WDR48: variants seen among roughly 807,000 people sequenced by gnomAD.
WDR48 encodes WD repeat domain 48, also known as WD repeat-containing protein 48.
In WDR48, 22 loss-of-function variants were observed where a neutral mutation model predicts 94.0. The observed-to-expected ratio is 0.23, with a 90% CI of 0.17 to 0.33. The LOEUF is 0.33. Ranked by LOEUF, WDR48 falls within the 10% of genes least tolerant of loss-of-function variation. The pLI, the probability that WDR48 is intolerant of heterozygous loss-of-function variation, is 1.00. For missense variants in WDR48, 541 were observed against 813.8 expected, an observed-to-expected ratio of 0.66 and a Z score of 4.08; for synonymous variants, 278 against 280.5, an observed-to-expected ratio of 0.99 and a Z score of 0.09.
At chr3:39,061,137 A>T (rs771825017) in intron 1 of WDR48, among the ~76,000 whole-genome samples, 4 of 152,200 alleles carry the variant, frequency 2.6e-5, no homozygotes, top group Non-Finnish European at 4.4e-5. Flanking sequence ...TCTAGGGTAC[A>T]TGTGCACAAC....
Position 39,066,751 on chromosome 3 carries a change from C to T in WDR48, c.357C>T (p.Tyr119=), listed in dbSNP as rs752206294. 1.5e-5 allele frequency: 25 copies of T among 1,613,720 alleles called. No individual in the cohort carries two copies. The highest frequency in any genetic ancestry group is 1.5e-4 in the African/African-American group (11 of 74,848). The change falls in exon 5 of 19, where the codon TAC becomes TAT. Residue 119 remains tyrosine, a synonymous_variant. Coordinates refer to ENST00000302313, the MANE Select transcript of WDR48 (RefSeq NM_020839.4). The stretch of plus-strand genomic sequence containing the variant: ...GTATGTCTGTTCTATTACAGGATTA[C>T]GTAAAGGCCTTAGCATATGCCAAGG... ...CMSTLRTHKD[Y]VKALAYAKDK...
chr3:39,070,654 A>G (rs1324539811), intron 7 of WDR48, among the ~76,000 whole-genome samples: 1 of 151,342 alleles, frequency 6.6e-6, no homozygotes, highest in Non-Finnish European at 1.5e-5. Flanking sequence ...AGATTTAAAG[A>G]TACCTGTGGA....
At chr3:39,088,314 G>C in intron 15 of WDR48, 81 bp downstream of exon 15, 2 of 1,316,440 alleles carry the variant, frequency 1.5e-6, no homozygotes, top group Non-Finnish European at 2.2e-6. Flanking sequence ...TCAGTATTTC[G>C]ATATTAGAAA....
chr3:39,062,170 CTT>C (rs1417647652), intron 1 of WDR48, among the ~76,000 whole-genome samples: 3 of 152,166 alleles, frequency 2.0e-5, no homozygotes, highest in Admixed American at 2.0e-4. Context: ...GTCATGAAGT[CTT>C]TGCCCATGCC....
chr3:39,073,851 G>A (rs931269332), intron 7 of WDR48, among the ~76,000 whole-genome samples: 14 of 152,144 alleles, frequency 9.2e-5, no homozygotes, highest in Admixed American at 2.0e-4. Context: ...TCTGATTCCC[G>A]TCAGTAGAAT....
chr3:39,066,792 C>T lies in WDR48; in HGVS notation c.398C>T (p.Ala133Val). ...TATGCCAAGGATAAAGAACTAGTAG[C>T]ATCAGCTGGGTTGGACAGACAAATA... ...LAYAKDKELV[A>V]SAGLDRQIFL... Residue 133 changes from alanine (A) to valine (V), a missense_variant, in exon 5 of 19, where the codon GCA becomes GTA. By Grantham distance (64) the Ala-to-Val change is moderately conservative (BLOSUM62 0). This residue lies in a region of WDR48 where 104 missense variants were observed against 189.7 expected (regional missense o/e 0.55). Coordinates refer to ENST00000302313, the MANE Select transcript of WDR48 (RefSeq NM_020839.4). 3 of 1,613,972 alleles carry T rather than the reference C, an allele frequency of 1.9e-6. No homozygotes were observed. Among genetic ancestry groups the T allele is most frequent in the Non-Finnish European group, 2.5e-6 (3 of 1,179,918 alleles).
At chr3:39,091,785 C>A in intron 17 of WDR48, 84 bp downstream of exon 17, 1 of 1,136,410 alleles carries the variant, frequency 8.8e-7, no homozygotes, top group Non-Finnish European at 1.2e-6. Flanking sequence ...GCAAAGGAAG[C>A]AAATACCAGA....
chr3:39,084,477 A>G (rs1231845326), intron 12 of WDR48, among the ~76,000 whole-genome samples, 168 bp from the exon 13 acceptor site: 1 of 152,250 alleles, frequency 6.6e-6, no homozygotes, highest in Admixed American at 6.5e-5. Context: ...TGCCTTTGGT[A>G]TCCCAGGAAA....
chr3:39,079,274 T>C (rs1285117829), intron 10 of WDR48, among the ~76,000 whole-genome samples: 2 of 152,240 alleles, frequency 1.3e-5, no homozygotes, highest in Admixed American at 1.3e-4. Flanking sequence ...ATTAGAATTT[T>C]GTATGGCACA....
In WDR48 at chr3:39,066,654, T is replaced by G. The variant is rs757056085; in HGVS notation, c.351+24T>G. The G allele has an allele frequency of 6.8e-6, 11 of 1,613,292 alleles. No homozygotes were observed. The Admixed American group carries it at 8.3e-5, about 12-fold the overall frequency. On this transcript the variant is annotated intron_variant, in intron 4 of 18. Coordinates refer to ENST00000302313, the MANE Select transcript of WDR48 (RefSeq NM_020839.4). ...AGGTAAAACAATACAGTTCTCAGTG[T>G]CTTTAGTGTAATATTGGGATCTCAG...
At chr3:39,062,451 G>A (rs1215783883) in intron 1 of WDR48, among the ~76,000 whole-genome samples, 2 of 152,210 alleles carry the variant, frequency 1.3e-5, no homozygotes, top group African/African-American at 4.8e-5. Context: ...TTTAGTATGT[G>A]ATAGGAGCTC....
At position 39,084,652 on chromosome 3, in the gene WDR48, C is replaced by G. The variant is rs887487700; in HGVS notation, c.1289C>G (p.Thr430Ser). The G allele has an allele frequency of 6.2e-7, 1 of 1,613,552 alleles. No individual in the cohort carries two copies. ...AGTTTTTTCTTTTGATAGATGTTAA[C>G]TATTACTTTGGATGAAAGTGATTGT... ...FSVDLKTGML[T>S]ITLDESDCFA... Residue 430 changes from threonine (T) to serine (S), a missense_variant, in exon 13 of 19, where the codon ACT becomes AGT. Physicochemically the swap from Thr to Ser is moderately conservative, Grantham distance 58. Coordinates refer to ENST00000302313, the MANE Select transcript of WDR48 (RefSeq NM_020839.4).
In WDR48 at chr3:39,096,456, G is replaced by A. The variant is rs1386843063; in HGVS notation, c.*1713G>A. 1 of 152,068 alleles carries A rather than the reference G, an allele frequency of 6.6e-6. No homozygotes were observed. The highest frequency in any genetic ancestry group is 1.5e-5 in the Non-Finnish European group (1 of 68,010). The allele number at this position is 152,068 out of a possible 1,614,324, so 9.4% of individuals were successfully genotyped here. On this transcript the variant is annotated 3_prime_UTR_variant, in exon 19 of 19. Transcript: ENST00000302313. Reference sequence around the variant, plus strand: ...CCGAGGGGCCTTTGAGCAAAGAAATGGGTTTTGCTGGGTCATTTTGCCCTG... The same window carrying A: ...CCGAGGGGCCTTTGAGCAAAGAAATAGGTTTTGCTGGGTCATTTTGCCCTG...
intron 2 of WDR48, among the ~76,000 whole-genome samples, chr3:39,063,441 A>G (rs976683181): frequency 1.3e-5 from 2 of 152,212 alleles, no homozygotes; most frequent in African/African-American, 2.4e-5. Context: ...CTTTGCCACA[A>G]AGGAACAAAG....
At chr3:39,075,052 C>A in intron 8 of WDR48, 102 bp downstream of exon 8, 2 of 1,162,154 alleles carry the variant, frequency 1.7e-6, no homozygotes. Context: ...CTGCAGGGTT[C>A]GGAGGGGGAA....
At chr3:39,060,047 T>G (rs2033154537) in intron 1 of WDR48, among the ~76,000 whole-genome samples, 1 of 152,208 alleles carries the variant, frequency 6.6e-6, no homozygotes, top group African/African-American at 2.4e-5. Context: ...CGTGTTACTT[T>G]TTGACATTCA....
At chr3:39,072,195 C>G (rs1189572382) in intron 7 of WDR48, among the ~76,000 whole-genome samples, 2 of 152,324 alleles carry the variant, frequency 1.3e-5, no homozygotes, top group East Asian at 3.9e-4. Flanking sequence ...GAGGTTCTCC[C>G]TAAGGGAGTT....
intron 8 of WDR48, among the ~76,000 whole-genome samples, chr3:39,075,736 C>T (rs528755228): frequency 1.8e-4 from 27 of 151,884 alleles, no homozygotes; most frequent in Non-Finnish European, 3.4e-4. Context: ...CTCTGTTGCC[C>T]AGGCTGGAGT....
chr3:39,089,210 T>G, intron 15 of WDR48, 21 bp from the exon 16 acceptor site: 1 of 1,607,350 alleles, frequency 6.2e-7, no homozygotes. Flanking sequence ...GGTTACTTAC[T>G]ACTTGATGGT....
Sources: gnomAD v4.1 joint callset for allele counts (sites outside exome capture counted in the v4.1 genomes callset) on GRCh38, gnomAD v4.1.1 for gene constraint, gnomAD v4.1.1 regional missense constraint, MANE v1.5 for transcripts, NCBI Gene and HGNC (gene_info 2026-07-23, HGNC 2026-07-21) for gene names.